GLIS3: variants seen among roughly 807,000 people sequenced by gnomAD.
GLIS3 encodes the protein zinc finger protein GLIS3.
Under a neutral mutation model 78.6 loss-of-function variants are expected in GLIS3, and 53 were observed. That is an observed-to-expected ratio of 0.67 (90% CI 0.54 to 0.85). The LOEUF (loss-of-function observed/expected upper bound fraction) is 0.85, where lower values mean the gene tolerates loss of function less well. Among genes scored for constraint, GLIS3 ranks in the 40% least tolerant of loss-of-function variants. GLIS3 has a pLI of 0.00. For missense variants in GLIS3, 1,703 were observed against 1,231.1 expected (o/e 1.38, Z -5.74); for synonymous variants, 684 against 509.9 (o/e 1.34, Z -4.60).
chr9:4,429,316 A>T, the GLIS3 span, among the ~76,000 whole-genome samples: 9 of 151,644 alleles, frequency 5.9e-5, no homozygotes, highest in Non-Finnish European at 1.0e-4. Flanking sequence ...CTCCAGCCTC[A>T]TGCCCCCAAC....
intron 9 of GLIS3, among the ~76,000 whole-genome samples, chr9:3,833,405 T>C (rs1361039547): frequency 6.6e-6 from 1 of 152,202 alleles, no homozygotes; most frequent in East Asian, 1.9e-4. Context: ...AGAGAAGGCC[T>C]AACTCATTTT....
the GLIS3 span, among the ~76,000 whole-genome samples, chr9:4,439,748 AT>A: frequency 6.6e-6 from 1 of 151,754 alleles, no homozygotes; most frequent in African/African-American, 2.4e-5. Flanking sequence ...TTAGTTTTTC[AT>A]TTTTCATATT....
chr9:4,050,276 G>A (rs140802716), intron 4 of GLIS3, among the ~76,000 whole-genome samples: 118 of 152,240 alleles, frequency 7.8e-4, no homozygotes, highest in African/African-American at 2.7e-3. Context: ...CACAGAAAAG[G>A]GTGAGTTCAT....
chr9:4,392,437 C>G, the GLIS3 span, among the ~76,000 whole-genome samples: 2 of 152,114 alleles, frequency 1.3e-5, no homozygotes, highest in African/African-American at 4.8e-5. Flanking sequence ...GTTTATCTTT[C>G]CCAGGGGATC....
chr9:4,466,098 T>G, the GLIS3 span, among the ~76,000 whole-genome samples: 1 of 152,168 alleles, frequency 6.6e-6, no homozygotes, highest in African/African-American at 2.4e-5. Context: ...AGACACAAAT[T>G]ACCAATACCA....
intron 4 of GLIS3, among the ~76,000 whole-genome samples, chr9:3,961,218 C>T (rs1163068673): frequency 6.6e-6 from 1 of 152,074 alleles, no homozygotes; most frequent in Admixed American, 6.5e-5. Context: ...CTTGCTGTTG[C>T]CTTAGAATGG....
At chr9:4,097,131 T>G (rs4740750) in intron 4 of GLIS3, among the ~76,000 whole-genome samples, 5 of 152,264 alleles carry the variant, frequency 3.3e-5, no homozygotes, top group African/African-American at 1.2e-4. Context: ...TTCCTCCCAT[T>G]AGGGCCCTAA....
chr9:3,879,744 C>G, intron 7 of GLIS3, 149 bp from the exon 8 acceptor site: 1 of 807,640 alleles, frequency 1.2e-6, no homozygotes, highest in African/African-American at 1.7e-5. Flanking sequence ...TTCTTGGGTA[C>G]ACACAGCTTT....
At chr9:4,110,897 G>A (rs1831159385) in intron 4 of GLIS3, among the ~76,000 whole-genome samples, 1 of 152,204 alleles carries the variant, frequency 6.6e-6, no homozygotes, top group East Asian at 1.9e-4. Flanking sequence ...CTTCTTTTTG[G>A]AAAAATAAAT....
the GLIS3 span, among the ~76,000 whole-genome samples, chr9:4,468,811 T>C: frequency 6.6e-6 from 1 of 152,170 alleles, no homozygotes; most frequent in Non-Finnish European, 1.5e-5. Flanking sequence ...GTAAATGGGC[T>C]AAATGCTCCA....
the GLIS3 span, among the ~76,000 whole-genome samples, chr9:4,463,482 T>C: frequency 6.6e-6 from 1 of 152,174 alleles, no homozygotes; most frequent in East Asian, 1.9e-4. Flanking sequence ...ATCAAAATTA[T>C]TTCTTTCTGT....
the GLIS3 span, among the ~76,000 whole-genome samples, chr9:4,445,419 G>A: frequency 6.6e-6 from 1 of 152,178 alleles, no homozygotes; most frequent in Non-Finnish European, 1.5e-5. Flanking sequence ...TTGAGGCCAG[G>A]AGTTCAAGAC....
chr9:3,902,668 G>A (rs942710466), intron 6 of GLIS3, among the ~76,000 whole-genome samples: 8 of 152,106 alleles, frequency 5.3e-5, no homozygotes, highest in African/African-American at 1.2e-4. Context: ...TCTGCGATGC[G>A]TTTCTAAGTT....
At chr9:4,284,383 G>C (rs936221126) in intron 2 of GLIS3, among the ~76,000 whole-genome samples, 3 of 152,100 alleles carry the variant, frequency 2.0e-5, no homozygotes, top group Non-Finnish European at 4.4e-5. Context: ...CACTAGTCAA[G>C]CATGCGCTAA....
In GLIS3 at chr9:4,118,852, G is replaced by A. The variant is rs1831963253; in HGVS notation, c.626C>T (p.Ser209Phe). ...ACTTTCCGTCAGACTCAAGGTCGTG[G>A]ACGCCAAAGACTCACGCGAAATAAG... The part of the protein sequence containing the change: ...RSLISRESLA[S>F]TTLSLTESQS... The change falls in exon 4 of 11, where the codon TCC becomes TTC. Residue 209 changes from serine (S) to phenylalanine (F), a missense_variant. By Grantham distance (155) the Ser-to-Phe change is radical (BLOSUM62 -2). Coordinates refer to ENST00000381971, the MANE Select transcript of GLIS3 (RefSeq NM_001042413.2). The surrounding 1 kb of genome is among the most constrained non-coding windows in gnomAD (Gnocchi z 4.7). 6.2e-7 allele frequency: 1 copy of A among 1,603,066 alleles called. No individual in the cohort carries two copies. The highest frequency in any genetic ancestry group is 2.2e-5 in the East Asian group (1 of 44,862).
chr9:4,367,859 G>T, the GLIS3 span, among the ~76,000 whole-genome samples: 1 of 152,260 alleles, frequency 6.6e-6, no homozygotes, highest in African/African-American at 2.4e-5. Context: ...ACCAATTCAT[G>T]TAATCTTCAT....
At chr9:4,343,086 C>T (rs191913698) in intron 2 of GLIS3, among the ~76,000 whole-genome samples, 1 of 152,302 alleles carries the variant, frequency 6.6e-6, no homozygotes, top group African/African-American at 2.4e-5. Context: ...TGCCTACAAT[C>T]CCAGCACTGT....
At chr9:4,034,107 C>T (rs974393451) in intron 4 of GLIS3, among the ~76,000 whole-genome samples, 1 of 151,744 alleles carries the variant, frequency 6.6e-6, no homozygotes, top group Non-Finnish European at 1.5e-5. Context: ...TGCATGTCTG[C>T]AGTCCCAGTT....
At chr9:4,192,731 C>T (rs10814870) in intron 2 of GLIS3, among the ~76,000 whole-genome samples, 63,464 of 150,872 alleles carry the variant, frequency 0.42, 14,219 homozygotes, top group Middle Eastern at 0.53. Flanking sequence ...CAGAATAGAA[C>T]GAGACATGGT....
Sources: allele counts gnomAD v4.1 joint callset (sites outside exome capture counted in the v4.1 genomes callset), GRCh38; gene constraint gnomAD v4.1.1; non-coding constraint Gnocchi (gnomAD v3.1); transcripts MANE v1.5; gene names NCBI Gene and HGNC (gene_info 2026-07-23, HGNC 2026-07-21).